Variants in MPPED2 observed in about 807,000 individuals in gnomAD.
The protein encoded by MPPED2 is metallophosphoesterase MPPED2.
MPPED2 carries 5 observed loss-of-function variants against 33.0 expected under a neutral mutation model. The observed-to-expected ratio is 0.15, with a 90% CI of 0.08 to 0.32. MPPED2 has a LOEUF of 0.32. MPPED2 is among the 10% of genes least tolerant of loss of function. The probability of loss-of-function intolerance (pLI) is 1.00; values close to 1 mark genes in which losing one functional copy is unlikely to be tolerated. For synonymous variants in MPPED2, 136 were observed against 141.9 expected (o/e 0.96, Z 0.29); for missense variants, 275 against 372.1 (o/e 0.74, Z 2.15).
chr11:30,544,270 C>T (rs1391266337), intron 2 of MPPED2, among the ~76,000 whole-genome samples: 1 of 152,098 alleles, frequency 6.6e-6, no homozygotes, highest in African/African-American at 2.4e-5. Context: ...TAAACGTTTC[C>T]CTCCCTTCTA....
intron 3 of MPPED2, among the ~76,000 whole-genome samples, chr11:30,534,238 C>T (rs1043053648): frequency 1.3e-5 from 2 of 152,170 alleles, no homozygotes; most frequent in Non-Finnish European, 1.5e-5. Context: ...TCAACATTGT[C>T]AACGCAGCTC....
At chr11:30,545,028 G>A (rs145233348) in intron 2 of MPPED2, among the ~76,000 whole-genome samples, 90 of 152,288 alleles carry the variant, frequency 5.9e-4, no homozygotes, top group African/African-American at 2.0e-3. Flanking sequence ...AACAAGCATG[G>A]CAGAAGCAGA....
chr11:30,568,104 C>T (rs1290211644), intron 2 of MPPED2, among the ~76,000 whole-genome samples: 3 of 152,198 alleles, frequency 2.0e-5, no homozygotes, highest in African/African-American at 4.8e-5. Context: ...AGCCACCATA[C>T]ATGGAACATT....
chr11:30,423,213 C>T (rs976915705), intron 4 of MPPED2, among the ~76,000 whole-genome samples: 1 of 152,074 alleles, frequency 6.6e-6, no homozygotes, highest in Admixed American at 6.6e-5. Flanking sequence ...GGGCTGGGTG[C>T]GTCCTAGGAA....
chr11:30,385,996 T>C (rs1056016751), exon 7 of MPPED2: 1 of 152,200 alleles, frequency 6.6e-6, no homozygotes, highest in African/African-American at 2.4e-5. Context: ...CAATAGAAGA[T>C]GAGTTGTAGA....
chr11:30,568,689 C>T (rs375105937), intron 2 of MPPED2, among the ~76,000 whole-genome samples: 27 of 152,232 alleles, frequency 1.8e-4, no homozygotes, highest in Admixed American at 6.5e-4. Flanking sequence ...ATACAAAAAA[C>T]GCAATTATGG....
chr11:30,485,091 A>T (rs1293601362), intron 4 of MPPED2, among the ~76,000 whole-genome samples: 1 of 152,202 alleles, frequency 6.6e-6, no homozygotes, highest in Admixed American at 6.5e-5. Context: ...CTTAACATAC[A>T]TGATCTTATT....
chr11:30,493,389 A>G (rs1459831003), intron 4 of MPPED2, among the ~76,000 whole-genome samples: 1 of 151,206 alleles, frequency 6.6e-6, no homozygotes, highest in Non-Finnish European at 1.5e-5. Context: ...AAAAAAAAAG[A>G]AAATATCTCA....
At chr11:30,417,661 C>A (rs752430980) in intron 4 of MPPED2, 28 bp from the exon 5 acceptor site, 1 of 1,340,240 alleles carries the variant, frequency 7.5e-7, no homozygotes, top group African/African-American at 1.4e-5. Context: ...CACATGGTAT[C>A]AGGCCAGCAG....
chr11:30,429,003 C>G (rs1233841411), intron 4 of MPPED2: 1 of 152,154 alleles, frequency 6.6e-6, no homozygotes, highest in East Asian at 1.9e-4. Context: ...TTGAGTAGAT[C>G]TGTCACAAAG....
intron 4 of MPPED2, among the ~76,000 whole-genome samples, chr11:30,489,888 C>T (rs963273047): frequency 6.7e-6 from 1 of 149,862 alleles, no homozygotes; most frequent in African/African-American, 2.5e-5. Context: ...TGCAGCTTGG[C>T]TGCTGATCAA....
chr11:30,559,727 G>T (rs1024277959), intron 2 of MPPED2, among the ~76,000 whole-genome samples: 2 of 151,814 alleles, frequency 1.3e-5, no homozygotes, highest in South Asian at 4.2e-4. Context: ...TTTATTCCAT[G>T]TGAGGCATAC....
chr11:30,577,293 C>T (rs1406517099), intron 2 of MPPED2, among the ~76,000 whole-genome samples: 1 of 152,142 alleles, frequency 6.6e-6, no homozygotes, highest in Admixed American at 6.5e-5. Flanking sequence ...ACCCCAACTA[C>T]CATCACAAGG....
chr11:30,546,485 A>G (rs1330967040), intron 2 of MPPED2, among the ~76,000 whole-genome samples: 2 of 151,960 alleles, frequency 1.3e-5, no homozygotes, highest in Admixed American at 1.3e-4. Context: ...TTCCTTTCCA[A>G]CTCATCAAAG....
chr11:30,550,982 A>G (rs1469457272), intron 2 of MPPED2, among the ~76,000 whole-genome samples: 1 of 152,200 alleles, frequency 6.6e-6, no homozygotes, highest in East Asian at 1.9e-4. Context: ...TTTATCATGT[A>G]TATTGGTAGA....
chr11:30,573,274 T>A lies in MPPED2; in HGVS notation c.128+6972A>T, dbSNP rs539508953. Among the ~76,000 whole-genome samples, 89 of 152,284 alleles carry A rather than the reference T, an allele frequency of 5.8e-4. 1 individual carries two copies. Among genetic ancestry groups the A allele is most frequent in the Middle Eastern group, 6.8e-3 (2 of 294 alleles). ...ATTACTCATGTGTTTATGGTGATAC[T>A]GGTGTAAACAAACCTGCCCTGCCAG... is the stretch of plus-strand genomic sequence containing the variant. On this transcript the variant is annotated intron_variant, in intron 2 of 6. Coordinates refer to ENST00000358117, the MANE Select transcript of MPPED2 (RefSeq NM_001584.3).
chr11:30,575,901 G>C (rs1956910079), intron 2 of MPPED2, among the ~76,000 whole-genome samples: 1 of 152,138 alleles, frequency 6.6e-6, no homozygotes, highest in Admixed American at 6.5e-5. Context: ...ACCTAGAAAA[G>C]TTTCCATGAC....
At chr11:30,442,279 A>G (rs962876008) in intron 4 of MPPED2, among the ~76,000 whole-genome samples, 3 of 152,106 alleles carry the variant, frequency 2.0e-5, no homozygotes, top group African/African-American at 7.2e-5. Context: ...AGCCCAACTA[A>G]TTAGATCTAC....
chr11:30,497,344 C>G (rs188109598), intron 3 of MPPED2, among the ~76,000 whole-genome samples: 1 of 152,192 alleles, frequency 6.6e-6, no homozygotes, highest in Non-Finnish European at 1.5e-5. Flanking sequence ...TATCATGGCT[C>G]TGTGACCCTA....
Sources: allele counts gnomAD v4.1 joint callset (sites outside exome capture counted in the v4.1 genomes callset), GRCh38; gene constraint gnomAD v4.1.1; transcripts MANE v1.5; gene names NCBI Gene and HGNC (gene_info 2026-07-23, HGNC 2026-07-21).